ASIC2: variants seen among roughly 807,000 people sequenced by gnomAD.
ASIC2 encodes the protein acid-sensing ion channel 2.
Under a neutral mutation model 57.3 loss-of-function variants are expected in ASIC2, and 25 were observed. The ratio of observed to expected loss-of-function variants is 0.44; its 90% CI spans 0.32 to 0.61. ASIC2 has a LOEUF of 0.61. Among genes scored for constraint, ASIC2 ranks in the 20% least tolerant of loss-of-function variants. The pLI is 0.06. For synonymous variants in ASIC2, 319 were observed against 307.5 expected (o/e 1.04, Z -0.39); for missense variants, 641 against 738.1 (o/e 0.87, Z 1.52).
chr17:33,196,261 G>T (rs2142073245), intron 1 of ASIC2, among the ~76,000 whole-genome samples: 1 of 152,290 alleles, frequency 6.6e-6, no homozygotes, highest in South Asian at 2.1e-4. Flanking sequence ...TACAAATCCT[G>T]ATTTTAAAAC....
intron 1 of ASIC2, among the ~76,000 whole-genome samples, chr17:33,859,871 G>A (rs190745419): frequency 6.6e-6 from 1 of 152,296 alleles, no homozygotes; most frequent in Admixed American, 6.5e-5. Context: ...CAAAATTGTA[G>A]AAACGGGGCC....
chr17:34,083,081 T>A (rs1909957918), intron 1 of ASIC2, among the ~76,000 whole-genome samples: 1 of 151,964 alleles, frequency 6.6e-6, no homozygotes, highest in Non-Finnish European at 1.5e-5. Context: ...TGCAGGTTAG[T>A]TACATATGTA....
At chr17:34,127,146 G>A (rs909828545) in intron 1 of ASIC2, among the ~76,000 whole-genome samples, 3 of 152,164 alleles carry the variant, frequency 2.0e-5, no homozygotes, top group Non-Finnish European at 4.4e-5. Context: ...AGTAAGAGGG[G>A]GTTTGTTTTT....
At chr17:33,191,776 T>A (rs1430245501) in intron 1 of ASIC2, among the ~76,000 whole-genome samples, 1 of 152,118 alleles carries the variant, frequency 6.6e-6, no homozygotes, top group Non-Finnish European at 1.5e-5. Flanking sequence ...TTCACATTGG[T>A]AGGAAGGAGA....
At chr17:33,932,351 T>C (rs535279519) in intron 1 of ASIC2, among the ~76,000 whole-genome samples, 1 of 152,268 alleles carries the variant, frequency 6.6e-6, no homozygotes, top group Non-Finnish European at 1.5e-5. Flanking sequence ...GTCATGAATA[T>C]TGTTTATATT....
At chr17:33,464,697 ATATATATG>A (rs1458400847) in intron 1 of ASIC2, among the ~76,000 whole-genome samples, 4 of 137,112 alleles carry the variant, frequency 2.9e-5, no homozygotes, top group Admixed American at 1.5e-4. Flanking sequence ...CTATATATAT[ATATATATG>A]TATATATATG....
At chr17:33,177,643 C>T (rs1401962632) in intron 1 of ASIC2, among the ~76,000 whole-genome samples, 1 of 152,140 alleles carries the variant, frequency 6.6e-6, no homozygotes, top group East Asian at 1.9e-4. Context: ...ATGAGATGAG[C>T]ACAAGGAGAC....
intron 1 of ASIC2, among the ~76,000 whole-genome samples, chr17:34,112,752 G>A (rs531875725): frequency 6.6e-6 from 1 of 152,130 alleles, no homozygotes; most frequent in African/African-American, 2.4e-5. Flanking sequence ...TAGGATGAAC[G>A]TTCTCACTCC....
intron 1 of ASIC2, among the ~76,000 whole-genome samples, chr17:33,857,381 T>C (rs1171635710): frequency 1.3e-5 from 2 of 152,186 alleles, no homozygotes; most frequent in Non-Finnish European, 2.9e-5. Context: ...TGAGAGATGA[T>C]GGGACTCCAG....
chr17:33,078,140 G>A (rs1164203858), intron 3 of ASIC2, among the ~76,000 whole-genome samples: 1 of 152,130 alleles, frequency 6.6e-6, no homozygotes, highest in African/African-American at 2.4e-5. Context: ...AAGTAGGTGA[G>A]TCCATAGACA....
chr17:33,751,312 A>G (rs955064631), intron 1 of ASIC2, among the ~76,000 whole-genome samples: 21 of 152,154 alleles, frequency 1.4e-4, no homozygotes, highest in Admixed American at 1.3e-4. Context: ...TCATTCCGCC[A>G]TCTAGTGGCA....
chr17:34,099,639 AAAG>A lies in ASIC2; in HGVS notation c.555+56336_555+56338del, dbSNP rs1218621188. On this transcript the variant is annotated intron_variant, in intron 1 of 9. Transcript: ENST00000359872. Reference sequence around the variant, plus strand: ...GAAAGAAAGAAAAAGAAAAAGAAAGAAAGAAAAGAGAGGAAGGAAGGAAGGAAA... The same window carrying A: ...GAAAGAAAGAAAAAGAAAAAGAAAGAAAAAGAGAGGAAGGAAGGAAGGAAA... Among the ~76,000 whole-genome samples the A allele has an allele frequency of 7.2e-4, 107 of 149,526 alleles. 4 individuals carry two copies. The highest frequency in any genetic ancestry group is 8.9e-5 in the Non-Finnish European group (6 of 67,432).
intron 1 of ASIC2, among the ~76,000 whole-genome samples, chr17:33,186,474 T>C (rs71377475): frequency 6.6e-6 from 1 of 152,186 alleles, no homozygotes; most frequent in African/African-American, 2.4e-5. Flanking sequence ...TTACTTGCTG[T>C]TTATTTTATA....
At chr17:33,266,670 C>T (rs527279983) in intron 1 of ASIC2, among the ~76,000 whole-genome samples, 2 of 151,828 alleles carry the variant, frequency 1.3e-5, no homozygotes, top group Admixed American at 6.6e-5. Flanking sequence ...GCATCCCCGA[C>T]GTTTGGAACC....
chr17:33,898,121 C>T (rs8070797), intron 1 of ASIC2, among the ~76,000 whole-genome samples: 2,719 of 151,434 alleles, frequency 0.018, 71 homozygotes, highest in African/African-American at 0.063. Context: ...AGGGGAGGTG[C>T]TCTGCCCATA....
intron 1 of ASIC2, among the ~76,000 whole-genome samples, chr17:33,133,991 G>A (rs552757678): frequency 1.3e-5 from 2 of 152,288 alleles, no homozygotes; most frequent in African/African-American, 2.4e-5. Context: ...AGAAAGGACC[G>A]CAGCTTCTGC....
In ASIC2 at chr17:33,638,196, C is replaced by T. The variant is rs114381971; in HGVS notation, c.555+517782G>A. ...ACAGTCTGTCTATCATTTAACTATA[C>T]CTATATATTAGCAGAATTCAGGTTC... On this transcript the variant is annotated intron_variant, in intron 1 of 9. Coordinates refer to the ASIC2 transcript ENST00000359872. Among the ~76,000 whole-genome samples the T allele has an allele frequency of 2.5e-3, 374 of 152,246 alleles. 1 individual carries two copies. Among genetic ancestry groups the T allele is most frequent in the African/African-American group, 8.7e-3 (361 of 41,548 alleles).
chr17:33,046,403 A>G (rs748191892), intron 3 of ASIC2, among the ~76,000 whole-genome samples: 1 of 152,194 alleles, frequency 6.6e-6, no homozygotes, highest in South Asian at 2.1e-4. Flanking sequence ...ATTTGCTGCA[A>G]TTTTGGCTTT....
rs1407133435 is a variant in ASIC2, at chr17:34,156,494, T to C, written c.39A>G (p.Gln13=). The C allele has an allele frequency of 1.2e-6, 2 of 1,609,998 alleles. No individual in the cohort carries two copies. The highest frequency in any genetic ancestry group is 1.7e-5 in the Admixed American group (1 of 59,904). ...TGGCAAAGATCTGGATGCTAGAAGG[T>C]TGCAGGCTGCCCTCACTGGGGCTTT... The change falls in exon 1 of 10, where the codon CAA becomes CAG. Residue 13 remains glutamine (Q), a synonymous_variant. Coordinates refer to the ASIC2 transcript ENST00000359872. This position sits in a 1 kb window ranked among gnomAD's most constrained non-coding sequence, Gnocchi z 4.4.
Sources: allele counts gnomAD v4.1 joint callset (sites outside exome capture counted in the v4.1 genomes callset), GRCh38; gene constraint gnomAD v4.1.1; non-coding constraint Gnocchi (gnomAD v3.1); transcripts MANE v1.5; gene names NCBI Gene and HGNC (gene_info 2026-07-23, HGNC 2026-07-21).